The following NCAM2 variants were observed in gnomAD, a reference collection of about 807,000 sequenced individuals.
The protein encoded by NCAM2 is N-CAM-2.
In NCAM2, 30 loss-of-function variants were observed where a neutral mutation model predicts 98.1. The observed-to-expected ratio is 0.31, with a 90% confidence interval of 0.23 to 0.41. The LOEUF (loss-of-function observed/expected upper bound fraction) is 0.41, where lower values mean the gene tolerates loss of function less well. Ranked by LOEUF, NCAM2 falls within the 10% of genes least tolerant of loss-of-function variation. The probability of loss-of-function intolerance (pLI) is 1.00; values close to 1 mark genes in which losing one functional copy is unlikely to be tolerated. For synonymous variants in NCAM2, 368 were observed against 342.4 expected (o/e 1.07, Z -0.83); for missense variants, 867 against 1,005.8 (o/e 0.86, Z 1.87).
intron 7 of NCAM2, among the ~76,000 whole-genome samples, 183 bp from the exon 8 acceptor site, chr21:21,338,206 A>AT (rs909166688): frequency 9.2e-5 from 14 of 151,956 alleles, no homozygotes; most frequent in Non-Finnish European, 1.3e-4. Context: ...TATTTCCTAA[A>AT]TTTTTTTTCC....
chr21:21,232,909 T>G (rs2070686082), intron 1 of NCAM2, among the ~76,000 whole-genome samples: 1 of 151,748 alleles, frequency 6.6e-6, no homozygotes, highest in South Asian at 2.1e-4. Flanking sequence ...CTTGAAGACC[T>G]GAAAACTTCC....
At chr21:21,039,334 C>G (rs1568955558) in intron 1 of NCAM2, among the ~76,000 whole-genome samples, 2 of 152,134 alleles carry the variant, frequency 1.3e-5, no homozygotes, top group South Asian at 4.1e-4. Flanking sequence ...AAAGATATCC[C>G]TTAATAATCC....
At chr21:21,465,134 G>A (rs1983511464) in intron 12 of NCAM2, among the ~76,000 whole-genome samples, 1 of 152,050 alleles carries the variant, frequency 6.6e-6, no homozygotes, top group Non-Finnish European at 1.5e-5. Flanking sequence ...ACAGGATTAA[G>A]TAATGTCTGG....
intron 15 of NCAM2, among the ~76,000 whole-genome samples, chr21:21,495,867 C>A (rs1173109539): frequency 6.6e-6 from 1 of 151,700 alleles, no homozygotes; most frequent in East Asian, 1.9e-4. Context: ...ATATGCTTCT[C>A]CCTCCTATTT....
intron 11 of NCAM2, among the ~76,000 whole-genome samples, chr21:21,427,919 G>A (rs1483252366): frequency 6.6e-6 from 1 of 152,154 alleles, no homozygotes; most frequent in African/African-American, 2.4e-5. Context: ...GTATTCTAGG[G>A]TTTAAGTGCT....
At chr21:21,336,561 TA>T (rs200667605) in intron 7 of NCAM2, among the ~76,000 whole-genome samples, 3,735 of 141,960 alleles carry the variant, frequency 0.026, 96 homozygotes, top group East Asian at 0.14. Flanking sequence ...AAAAGTATAA[TA>T]AAAAAAAAAA....
chr21:21,410,201 A>G (rs2076827978), intron 9 of NCAM2, 73 bp from the exon 10 acceptor site: 2 of 787,766 alleles, frequency 2.5e-6, no homozygotes, highest in Admixed American at 3.6e-5. Context: ...GAAATAACTA[A>G]TGCTTATACT....
chr21:21,218,658 C>T (rs2070009340), intron 1 of NCAM2, among the ~76,000 whole-genome samples: 1 of 152,150 alleles, frequency 6.6e-6, no homozygotes, highest in Admixed American at 6.5e-5. Context: ...ACTTTGAAGA[C>T]TGGAAAGAGG....
chr21:21,405,036 A>G (rs2076711282), intron 9 of NCAM2, among the ~76,000 whole-genome samples: 1 of 151,970 alleles, frequency 6.6e-6, no homozygotes, highest in Admixed American at 6.6e-5. Context: ...TTGTAACTTT[A>G]CCGGGACTGA....
chr21:21,125,403 A>T (rs2066772112), intron 1 of NCAM2, among the ~76,000 whole-genome samples: 1 of 143,002 alleles, frequency 7.0e-6, no homozygotes, highest in Non-Finnish European at 1.5e-5. Flanking sequence ...TATATGTAAT[A>T]TATAATATTT....
At chr21:21,007,233 A>G (rs2064128960) in intron 1 of NCAM2, among the ~76,000 whole-genome samples, 1 of 152,164 alleles carries the variant, frequency 6.6e-6, no homozygotes, top group African/African-American at 2.4e-5. Context: ...CTCAATATTA[A>G]TGAGAGGACT....
chr21:21,304,114 G>A (rs1568910416), intron 5 of NCAM2, among the ~76,000 whole-genome samples: 1 of 151,874 alleles, frequency 6.6e-6, no homozygotes, highest in East Asian at 1.9e-4. Context: ...ATGTTGATGA[G>A]GTTTAATTTT....
chr21:21,114,728 G>T (rs1468653000), intron 1 of NCAM2, among the ~76,000 whole-genome samples: 1 of 152,150 alleles, frequency 6.6e-6, no homozygotes. Context: ...ACACTTCAGG[G>T]CTTCCCAGAG....
chr21:21,051,537 A>G, intron 1 of NCAM2, among the ~76,000 whole-genome samples: 1 of 152,212 alleles, frequency 6.6e-6, no homozygotes, highest in East Asian at 1.9e-4. Flanking sequence ...CAGAATGCAA[A>G]TTGTTTGCAA....
chr21:21,071,907 C>G (rs1601280300), intron 1 of NCAM2, among the ~76,000 whole-genome samples: 1 of 149,062 alleles, frequency 6.7e-6, no homozygotes, highest in East Asian at 1.9e-4. Context: ...ATCTATCTAT[C>G]TATCTATCTA....
intron 6 of NCAM2, among the ~76,000 whole-genome samples, chr21:21,327,461 C>T (rs965528308): frequency 2.6e-5 from 4 of 152,060 alleles, no homozygotes; most frequent in African/African-American, 4.8e-5. Context: ...AAACAGCAAT[C>T]CTTTTTTGTT....
chr21:21,313,608 T>C (rs2074125252), intron 5 of NCAM2, among the ~76,000 whole-genome samples: 1 of 152,034 alleles, frequency 6.6e-6, no homozygotes, highest in African/African-American at 2.4e-5. Flanking sequence ...TGATTTCTTA[T>C]AGACAGCATA....
At chr21:21,362,393 T>C (rs1473112349) in intron 8 of NCAM2, among the ~76,000 whole-genome samples, 1 of 58,936 alleles carries the variant, frequency 1.7e-5, no homozygotes, top group Non-Finnish European at 3.7e-5. Flanking sequence ...CATATTCTAC[T>C]TTTTTTTTTT....
intron 1 of NCAM2, among the ~76,000 whole-genome samples, chr21:21,121,743 T>C (rs2066678703): frequency 6.6e-6 from 1 of 152,242 alleles, no homozygotes; most frequent in African/African-American, 2.4e-5. Flanking sequence ...TGGAAAAGGC[T>C]ATATATAGGC....
Sources: allele counts gnomAD v4.1 joint callset (sites outside exome capture counted in the v4.1 genomes callset), GRCh38; gene constraint gnomAD v4.1.1; transcripts MANE v1.5; gene names NCBI Gene and HGNC (gene_info 2026-07-23, HGNC 2026-07-21).